The following GRIA3 variants were observed in gnomAD, a reference collection of about 807,000 sequenced individuals.
GRIA3 encodes the protein glutamate ionotropic receptor AMPA type subunit 3.
In GRIA3, 3 loss-of-function variants were observed where a neutral mutation model predicts 63.0. That is an observed-to-expected ratio of 0.05 (90% CI 0.02 to 0.12). The LOEUF is 0.12. Ranked by LOEUF, GRIA3 falls within the 10% of genes least tolerant of loss-of-function variation. The pLI, the probability that GRIA3 is intolerant of heterozygous loss-of-function variation, is 1.00. For synonymous variants in GRIA3, 274 were observed against 257.9 expected, an observed-to-expected ratio of 1.06 and a Z score of -0.60; for missense variants, 347 against 700.9, an observed-to-expected ratio of 0.50 and a Z score of 5.70.
chrX:123,463,690 GAAAGAAAGAAAAAGAA>G (rs2045815063), intron 12 of GRIA3, among the ~76,000 whole-genome samples: 1 of 45,757 alleles, frequency 2.2e-5, no homozygotes, highest in Non-Finnish European at 3.7e-5. Flanking sequence ...GAAAGAGAGA[GAAAGAAAGAAAAAGAA>G]AGAAAGAAAG....
chrX:123,292,968 T>C (rs751678361), intron 3 of GRIA3, among the ~76,000 whole-genome samples: 1 of 110,901 alleles, frequency 9.0e-6, no homozygotes, highest in East Asian at 2.9e-4. Context: ...TTATCTGGGA[T>C]TAGTTTATCT....
intron 5 of GRIA3, 78 bp downstream of exon 5, chrX:123,355,041 C>A: frequency 1.4e-6 from 1 of 711,720 alleles, no homozygotes; most frequent in South Asian, 2.1e-5. Flanking sequence ...AAAGGAAATA[C>A]ATCAAGTACC....
intron 5 of GRIA3, among the ~76,000 whole-genome samples, chrX:123,390,261 G>T (rs1211568919): frequency 9.0e-6 from 1 of 111,045 alleles, no homozygotes; most frequent in Admixed American, 9.6e-5. Context: ...TTTCATTATG[G>T]TATATACTCT....
chrX:123,341,959 T>A (rs1188553204), intron 4 of GRIA3, among the ~76,000 whole-genome samples: 1 of 110,633 alleles, frequency 9.0e-6, no homozygotes, highest in Non-Finnish European at 1.9e-5. Context: ...CTGAAGTAGA[T>A]AGGACTAAGA....
chrX:123,274,310 A>C (rs2044541214), intron 3 of GRIA3, among the ~76,000 whole-genome samples: 1 of 112,195 alleles, frequency 8.9e-6, no homozygotes, highest in Admixed American at 9.5e-5. Context: ...CATAACCATC[A>C]AAAAGTACCT....
rs562081367 is a variant in GRIA3 at position 123,213,914 on chromosome X, T to C, written c.268+27924T>C. Among the ~76,000 whole-genome samples the C allele has an allele frequency of 4.7e-4, 53 of 112,241 alleles. No individual in the cohort carries two copies. The South Asian group carries it at 0.019, about 41-fold the overall frequency. On this transcript the variant is annotated intron_variant, in intron 2 of 15. Coordinates refer to ENST00000620443, the MANE Select transcript of GRIA3 (RefSeq NM_007325.5). ...CCATCCCATTAGATCTCCCTCTGAG[T>C]ACAAGAAGTCAGTCCCTCTAGCCTC...
intron 4 of GRIA3, among the ~76,000 whole-genome samples, chrX:123,351,351 A>G (rs1220148694): frequency 2.7e-5 from 3 of 111,925 alleles, no homozygotes; most frequent in Non-Finnish European, 5.6e-5. Flanking sequence ...AGAGCAAAAC[A>G]TGACACTTTT....
intron 5 of GRIA3, among the ~76,000 whole-genome samples, chrX:123,393,727 ATTCT>A (rs894764724): frequency 4.5e-5 from 5 of 112,049 alleles, no homozygotes; most frequent in Non-Finnish European, 9.4e-5. Flanking sequence ...TCACTGTATA[ATTCT>A]TTCTATTTTT....
chrX:123,254,451 C>G (rs1289799149), intron 3 of GRIA3, among the ~76,000 whole-genome samples: 1 of 111,435 alleles, frequency 9.0e-6, no homozygotes, highest in Non-Finnish European at 1.9e-5. Context: ...GACAATGTTA[C>G]TTTATCACTC....
chrX:123,472,618 T>A (rs1476975610), intron 13 of GRIA3, among the ~76,000 whole-genome samples: 2 of 111,688 alleles, frequency 1.8e-5, no homozygotes, highest in African/African-American at 6.5e-5. Flanking sequence ...GTTCAACTAC[T>A]AGATGGAGAA....
At chrX:123,211,903 C>T (rs1269349957) in intron 2 of GRIA3, among the ~76,000 whole-genome samples, 2 of 111,808 alleles carry the variant, frequency 1.8e-5, no homozygotes, top group Non-Finnish European at 3.8e-5. Flanking sequence ...TCAAAGTCAA[C>T]ATGATGGGCT....
At chrX:123,385,564 A>G (rs189565234) in intron 5 of GRIA3, among the ~76,000 whole-genome samples, 1 of 112,329 alleles carries the variant, frequency 8.9e-6, no homozygotes, top group East Asian at 2.8e-4. Context: ...CATTGAATCT[A>G]TAAATTGCTT....
intron 4 of GRIA3, among the ~76,000 whole-genome samples, chrX:123,343,615 G>C (rs1292634243): frequency 1.8e-5 from 2 of 110,334 alleles, no homozygotes; most frequent in African/African-American, 6.6e-5. Flanking sequence ...GAGAGAGAGA[G>C]AGATTGAGCA....
At chrX:123,379,327 G>T (rs895357313) in intron 5 of GRIA3, among the ~76,000 whole-genome samples, 2 of 111,509 alleles carry the variant, frequency 1.8e-5, no homozygotes, top group East Asian at 5.6e-4. Flanking sequence ...CACCATGAGG[G>T]TTTTGTGTGT....
intron 3 of GRIA3, among the ~76,000 whole-genome samples, chrX:123,322,548 C>G (rs145147162): frequency 0.016 from 1,791 of 111,527 alleles, 40 homozygotes; most frequent in African/African-American, 0.054. Flanking sequence ...TTCTCTGCCT[C>G]CTGTGTCAAA....
rs185982294 is a variant in GRIA3, at chrX:123,468,293, A to T, written c.2324+3181A>T. Among the ~76,000 whole-genome samples, 719 of 111,519 alleles carry T rather than the reference A, an allele frequency of 6.4e-3. 9 individuals carry two copies. Among genetic ancestry groups the T allele is most frequent in the African/African-American group, 0.022 (666 of 30,743 alleles). On this transcript the variant is annotated intron_variant, in intron 13 of 15. Coordinates refer to ENST00000620443, the MANE Select transcript of GRIA3 (RefSeq NM_007325.5). The stretch of plus-strand genomic sequence containing the variant: ...CACTACGTATTAGTGATGCAAAAAA[A>T]AAAAATCAATGGAGAAGGAGGTAGA...
chrX:123,208,995 C>T (rs1239825580), intron 2 of GRIA3, among the ~76,000 whole-genome samples: 3 of 112,184 alleles, frequency 2.7e-5, no homozygotes. Flanking sequence ...CAGATCCTAT[C>T]ATGAGAGCAG....
At chrX:123,184,728 C>G (rs769215968) in intron 1 of GRIA3, 84 bp downstream of exon 1, 3 of 689,355 alleles carry the variant, frequency 4.4e-6, no homozygotes, top group East Asian at 6.5e-5. Context: ...TGCGGTGGGT[C>G]CCTGTCCTGC....
intron 3 of GRIA3, among the ~76,000 whole-genome samples, chrX:123,308,282 A>G (rs1008150463): frequency 3.6e-5 from 4 of 112,092 alleles, no homozygotes; most frequent in Non-Finnish European, 7.5e-5. Context: ...GTTAAAATGT[A>G]CATTCTGGTT....
Sources: allele counts gnomAD v4.1 joint callset (sites outside exome capture counted in the v4.1 genomes callset), GRCh38; gene constraint gnomAD v4.1.1; transcripts MANE v1.5; gene names NCBI Gene and HGNC (gene_info 2026-07-23, HGNC 2026-07-21).